The following USP34 variants were observed in gnomAD, a reference collection of about 807,000 sequenced individuals.
USP34 encodes the protein ubiquitin specific peptidase 34, also known as ubiquitin carboxyl-terminal hydrolase 34.
Under a neutral mutation model 460.3 loss-of-function variants are expected in USP34, and 70 were observed. The observed-to-expected ratio is 0.15, with a 90% CI of 0.13 to 0.19. USP34 has a LOEUF of 0.19. Ranked by LOEUF, USP34 falls within the 10% of genes least tolerant of loss-of-function variation. The pLI is 1.00. For missense variants in USP34, 3,985 were observed against 4,236.2 expected (o/e 0.94, Z 1.65); for synonymous variants, 1,647 against 1,405.3 (o/e 1.17, Z -3.85).
intron 43 of USP34, among the ~76,000 whole-genome samples, chr2:61,263,074 A>C (rs1046411614): frequency 6.6e-6 from 1 of 151,036 alleles, no homozygotes; most frequent in Non-Finnish European, 1.5e-5. Flanking sequence ...AGTGGCACAA[A>C]CTCGGCTCAC....
intron 5 of USP34, among the ~76,000 whole-genome samples, chr2:61,384,677 C>CA (rs1693082179): frequency 6.6e-6 from 1 of 151,048 alleles, no homozygotes; most frequent in South Asian, 2.1e-4. Flanking sequence ...TGTCTCAAAA[C>CA]AAAAAAAATT....
intron 53 of USP34, 92 bp downstream of exon 53, chr2:61,241,465 TATC>T: frequency 1.2e-6 from 1 of 812,320 alleles, no homozygotes; most frequent in South Asian, 2.0e-5. Flanking sequence ...GAATTGCAGA[TATC>T]AACCTGTAGA....
intron 5 of USP34, among the ~76,000 whole-genome samples, chr2:61,390,094 T>C (rs1011967732): frequency 2.6e-5 from 4 of 152,186 alleles, no homozygotes; most frequent in African/African-American, 7.2e-5. Context: ...GAAATTGCTA[T>C]TGTGTTCCCC....
intron 2 of USP34, among the ~76,000 whole-genome samples, chr2:61,407,844 G>A (rs1693923082): frequency 6.6e-6 from 1 of 152,152 alleles, no homozygotes; most frequent in Non-Finnish European, 1.5e-5. Flanking sequence ...GCTGGGTGTG[G>A]TGGCTCATGC....
At chr2:61,199,837 C>T (rs530153303) in intron 75 of USP34, 1 of 152,238 alleles carries the variant, frequency 6.6e-6, no homozygotes, top group Non-Finnish European at 1.5e-5. Context: ...AAAACATCTA[C>T]ATTTGAAAAA....
rs956635041 is a variant in USP34 at position 61,190,272 on chromosome 2, C to T, written c.9872G>A (p.Gly3291Glu). 1 of 1,611,640 alleles carries T rather than the reference C, an allele frequency of 6.2e-7. No individual in the cohort carries two copies. The highest frequency in any genetic ancestry group is 8.5e-7 in the Non-Finnish European group (1 of 1,179,298). ...CCGCCGCCTCTGCATAGTTCTTACC[C>T]CATTTAAAGAAGCACTTGCTTTGGA... The part of the protein sequence containing the change: ...EISKASASLN[G>E]DLRALALLLS... Residue 3291 changes from glycine to glutamate, a missense_variant and splice_region_variant, in exon 78 of 80, where the codon GGG becomes GAG. This residue lies in a region of USP34 where 506 missense variants were observed against 439.0 expected (regional missense o/e 1.15). Transcript: ENST00000398571.
chr2:61,300,561 G>A (rs1234683670), intron 29 of USP34, among the ~76,000 whole-genome samples: 1 of 150,982 alleles, frequency 6.6e-6, no homozygotes, highest in Non-Finnish European at 1.5e-5. Context: ...ACTTTGGGAG[G>A]CTGACATGGG....
intron 1 of USP34, among the ~76,000 whole-genome samples, chr2:61,457,888 T>C (rs1695483724): frequency 6.6e-6 from 1 of 152,074 alleles, no homozygotes; most frequent in Non-Finnish European, 1.5e-5. Context: ...AGTACCATTT[T>C]ATGAAGAGGG....
intron 41 of USP34, among the ~76,000 whole-genome samples, chr2:61,277,204 C>T (rs1222157028): frequency 6.6e-6 from 1 of 150,894 alleles, no homozygotes; most frequent in African/African-American, 2.4e-5. Flanking sequence ...ATATACAATT[C>T]TATAGAAAGC....
At chr2:61,197,825 T>C (rs532097009) in intron 75 of USP34, among the ~76,000 whole-genome samples, 1 of 152,260 alleles carries the variant, frequency 6.6e-6, no homozygotes, top group South Asian at 2.1e-4. Context: ...AGTGGCTCCA[T>C]CTCAGCTCAC....
intron 2 of USP34, among the ~76,000 whole-genome samples, chr2:61,413,361 A>G (rs563760693): frequency 1.3e-5 from 2 of 152,218 alleles, no homozygotes; most frequent in South Asian, 4.2e-4. Context: ...ATTGCACTCC[A>G]TCCTGGCAAT....
chr2:61,326,684 C>G (rs1468666877), intron 20 of USP34, among the ~76,000 whole-genome samples: 2 of 151,792 alleles, frequency 1.3e-5, no homozygotes, highest in African/African-American at 2.4e-5. Context: ...AAAAGGCAGA[C>G]TGTGGATCAA....
chr2:61,309,306 T>C lies in USP34; in HGVS notation c.3817+2234A>G, dbSNP rs114586911. 3.4e-3 allele frequency among the ~76,000 whole-genome samples: 512 copies of C among 152,238 alleles called. 2 individuals are homozygous for C. Among genetic ancestry groups the C allele is most frequent in the African/African-American group, 0.011 (440 of 41,552 alleles). On this transcript the variant is annotated intron_variant, in intron 27 of 79. Transcript: ENST00000398571. Reference sequence around the variant, plus strand: ...AAACCACTGAATAGAACACTCCCTGTACTCCAGAAACACACACACAAAGAC... The same window carrying C: ...AAACCACTGAATAGAACACTCCCTGCACTCCAGAAACACACACACAAAGAC...
At chr2:61,438,676 A>G (rs889931547) in intron 1 of USP34, among the ~76,000 whole-genome samples, 1 of 152,178 alleles carries the variant, frequency 6.6e-6, no homozygotes, top group African/African-American at 2.4e-5. Context: ...ACACCAACAT[A>G]ATAAAGGCCA....
intron 18 of USP34, among the ~76,000 whole-genome samples, 164 bp from the exon 19 acceptor site, chr2:61,334,135 T>A (rs1259625794): frequency 1.3e-5 from 2 of 152,150 alleles, no homozygotes; most frequent in East Asian, 3.8e-4. Flanking sequence ...TCATTTTACA[T>A]ATTAGGGCAA....
At chr2:61,188,872 C>T in intron 79 of USP34, 38 bp downstream of exon 79, 1 of 1,609,920 alleles carries the variant, frequency 6.2e-7, no homozygotes. Flanking sequence ...CTCCCTCCTC[C>T]CACCCTAAAG....
chr2:61,452,917 A>C (rs547248184), intron 1 of USP34, among the ~76,000 whole-genome samples: 39 of 149,156 alleles, frequency 2.6e-4, no homozygotes, highest in Admixed American at 8.7e-4. Flanking sequence ...AAAAAAAAAA[A>C]AAAAAAAAAA....
intron 27 of USP34, among the ~76,000 whole-genome samples, chr2:61,302,115 A>G (rs939571143): frequency 2.0e-5 from 3 of 152,220 alleles, no homozygotes; most frequent in Non-Finnish European, 4.4e-5. Context: ...TAAGTATTGT[A>G]TAATGTACAA....
intron 41 of USP34, among the ~76,000 whole-genome samples, chr2:61,275,377 G>A (rs1321633778): frequency 9.9e-5 from 15 of 152,212 alleles, no homozygotes; most frequent in Admixed American, 9.2e-4. Context: ...AACAGTTTGG[G>A]AGGCCAAGAC....
Sources: gnomAD v4.1 joint callset for allele counts (sites outside exome capture counted in the v4.1 genomes callset) on GRCh38, gnomAD v4.1.1 for gene constraint, gnomAD v4.1.1 regional missense constraint, MANE v1.5 for transcripts, NCBI Gene and HGNC (gene_info 2026-07-23, HGNC 2026-07-21) for gene names.